CNTNAP4: variants seen among roughly 807,000 people sequenced by gnomAD.
The protein encoded by CNTNAP4 is contactin associated protein family member 4.
A neutral mutation model predicts 148.4 loss-of-function variants in CNTNAP4; 98 were observed. The ratio of observed to expected loss-of-function variants is 0.66; its 90% CI spans 0.56 to 0.78. The LOEUF is 0.78. Ranked by LOEUF, CNTNAP4 falls within the 30% of genes least tolerant of loss-of-function variation. The pLI is 0.00. For missense variants in CNTNAP4, 1,935 were observed against 1,565.6 expected, an observed-to-expected ratio of 1.24 and a Z score of -3.98; for synonymous variants, 730 against 565.1, an observed-to-expected ratio of 1.29 and a Z score of -4.14.
At chr16:76,354,688 C>A (rs1409581110) in intron 2 of CNTNAP4, among the ~76,000 whole-genome samples, 1 of 152,188 alleles carries the variant, frequency 6.6e-6, no homozygotes, top group African/African-American at 2.4e-5. Context: ...CTGTTGGGAA[C>A]AAGCTCCAAC....
chr16:76,386,407 C>G (rs536076372), intron 3 of CNTNAP4, among the ~76,000 whole-genome samples: 50 of 152,246 alleles, frequency 3.3e-4, no homozygotes, highest in African/African-American at 5.3e-4. Context: ...TTTGCTTGCT[C>G]TCAGTTTGGG....
intron 15 of CNTNAP4, among the ~76,000 whole-genome samples, chr16:76,503,244 A>G (rs1057220901): frequency 1.3e-5 from 2 of 152,120 alleles, no homozygotes; most frequent in Non-Finnish European, 2.9e-5. Context: ...TCAATCTATT[A>G]CTCATGGTCC....
intron 3 of CNTNAP4, among the ~76,000 whole-genome samples, chr16:76,394,841 A>T (rs1336330236): frequency 1.3e-5 from 2 of 152,210 alleles, no homozygotes; most frequent in East Asian, 3.9e-4. Context: ...TCCTTTCTTG[A>T]AAAGTGCTCA....
intron 9 of CNTNAP4, among the ~76,000 whole-genome samples, chr16:76,462,886 G>T (rs1222600356): frequency 6.6e-5 from 10 of 152,128 alleles, no homozygotes; most frequent in Non-Finnish European, 1.3e-4. Context: ...TTTACTAATT[G>T]CTTGTATCTG....
chr16:76,281,727 A>G (rs1012558420), intron 1 of CNTNAP4, among the ~76,000 whole-genome samples: 2 of 152,018 alleles, frequency 1.3e-5, no homozygotes, highest in Non-Finnish European at 2.9e-5. Flanking sequence ...ACTGTGGCCC[A>G]TGGGCTGAAT....
chr16:76,486,921 A>G (rs955773428), intron 12 of CNTNAP4, among the ~76,000 whole-genome samples: 1 of 152,186 alleles, frequency 6.6e-6, no homozygotes, highest in Admixed American at 6.5e-5. Flanking sequence ...TGAGAGATTG[A>G]TGCTGATTAG....
chr16:76,532,821 A>G (rs890874782), intron 17 of CNTNAP4, among the ~76,000 whole-genome samples: 4 of 152,166 alleles, frequency 2.6e-5, no homozygotes, highest in Non-Finnish European at 5.9e-5. Context: ...AGTTGAGTCA[A>G]CAGAGTGGAA....
At chr16:76,323,214 T>C (rs1380321960) in intron 2 of CNTNAP4, among the ~76,000 whole-genome samples, 1 of 152,160 alleles carries the variant, frequency 6.6e-6, no homozygotes, top group Admixed American at 6.5e-5. Flanking sequence ...GTTATTAGAT[T>C]GAAGTAAAGC....
At chr16:76,495,322 G>T (rs992587185) in intron 14 of CNTNAP4, 1 of 229,200 alleles carries the variant, frequency 4.4e-6, no homozygotes. Context: ...CTGTTATATG[G>T]GGAATTAATT....
At chr16:76,427,313 G>T in intron 3 of CNTNAP4, 139 bp from the exon 4 acceptor site, 1 of 610,936 alleles carries the variant, frequency 1.6e-6, no homozygotes. Context: ...TGACATAACT[G>T]TTAATGTGAT....
rs781538603 is a variant in CNTNAP4 at position 76,355,406 on chromosome 16, C to T, written c.285C>T (p.Ala95=). The T allele has an allele frequency of 3.1e-6, 5 of 1,611,356 alleles. No homozygotes were observed. Among genetic ancestry groups the T allele is most frequent in the Non-Finnish European group, 4.2e-6 (5 of 1,178,518 alleles). Residue 95 remains alanine, a synonymous_variant, in exon 3 of 24, where the codon GCC becomes GCT. Coordinates refer to ENST00000611870, the MANE Select transcript of CNTNAP4 (RefSeq NM_033401.5). ...AGAGAATGGAGGTCACCGCTGTGGCCACTCAAGGGGGATATGGTAGCTCCA... is the reference window on the plus strand; with the variant it reads ...AGAGAATGGAGGTCACCGCTGTGGCTACTCAAGGGGGATATGGTAGCTCCA... ...LGERMEVTAV[A]TQGGYGSSNW...
chr16:76,476,548 G>C (rs796387800), intron 11 of CNTNAP4, among the ~76,000 whole-genome samples: 1 of 152,140 alleles, frequency 6.6e-6, no homozygotes, highest in African/African-American at 2.4e-5. Flanking sequence ...CCATAGCCTA[G>C]GTGACTTACA....
intron 3 of CNTNAP4, among the ~76,000 whole-genome samples, chr16:76,372,288 C>T (rs1351001482): frequency 4.6e-5 from 7 of 150,670 alleles, no homozygotes; most frequent in South Asian, 2.1e-4. Context: ...TACAGGCGCC[C>T]GCCACCAGGC....
At position 76,452,691 on chromosome 16, in the gene CNTNAP4, A is replaced by G; in HGVS notation, c.1255A>G (p.Ile419Val). ...FSELQLISGG[I>V]LLFLSDGKLK... ...TGAACTTCAGCTGATTTCAGGGGGTATCCTCCTCTTTCTGAGTGATGGAAA... is the reference window on the plus strand; with the variant it reads ...TGAACTTCAGCTGATTTCAGGGGGTGTCCTCCTCTTTCTGAGTGATGGAAA... Residue 419 changes from isoleucine (I) to valine (V), a missense_variant, in exon 8 of 24, where the codon ATC becomes GTC. By Grantham distance (29) the Ile-to-Val change is conservative. Coordinates refer to ENST00000611870, the MANE Select transcript of CNTNAP4 (RefSeq NM_033401.5). 6.2e-7 allele frequency: 1 copy of G among 1,613,440 alleles called. No individual in the cohort carries two copies. Among genetic ancestry groups the G allele is most frequent in the South Asian group, 1.1e-5 (1 of 90,950 alleles).
chr16:76,366,230 A>C (rs2014109626), intron 3 of CNTNAP4, among the ~76,000 whole-genome samples: 1 of 152,178 alleles, frequency 6.6e-6, no homozygotes, highest in Non-Finnish European at 1.5e-5. Context: ...TTTGTCAGCC[A>C]GGTACTAAGC....
At chr16:76,527,279 G>C (rs193109821) in intron 17 of CNTNAP4, among the ~76,000 whole-genome samples, 3 of 151,958 alleles carry the variant, frequency 2.0e-5, no homozygotes, top group African/African-American at 7.3e-5. Context: ...CCATTCCCTC[G>C]CATATTAATA....
chr16:76,337,398 C>T (rs768316079), intron 2 of CNTNAP4, among the ~76,000 whole-genome samples: 6 of 152,138 alleles, frequency 3.9e-5, no homozygotes, highest in Non-Finnish European at 7.3e-5. Flanking sequence ...GGTGACATCA[C>T]ATATCGACAG....
At chr16:76,531,155 G>C (rs906783526) in intron 17 of CNTNAP4, among the ~76,000 whole-genome samples, 2 of 152,166 alleles carry the variant, frequency 1.3e-5, no homozygotes, top group Admixed American at 1.3e-4. Context: ...GTGAGTGGGT[G>C]AGTTATGCAG....
intron 2 of CNTNAP4, among the ~76,000 whole-genome samples, chr16:76,351,359 G>A (rs569329849): frequency 6.9e-6 from 1 of 144,054 alleles, no homozygotes; most frequent in South Asian, 2.2e-4. Context: ...ATCATAGGCT[G>A]GCCCAAAAAA....
Sources: allele counts gnomAD v4.1 joint callset (sites outside exome capture counted in the v4.1 genomes callset), GRCh38; gene constraint gnomAD v4.1.1; transcripts MANE v1.5; gene names NCBI Gene and HGNC (gene_info 2026-07-23, HGNC 2026-07-21).